The following UBE2E2 variants were observed in gnomAD, a reference collection of about 807,000 sequenced individuals.
The protein encoded by UBE2E2 is ubiquitin conjugating enzyme E2 E2, also known as ubiquitin-conjugating enzyme E2 E2.
A neutral mutation model predicts 24.7 loss-of-function variants in UBE2E2; 6 were observed. The observed-to-expected ratio is 0.24, with a 90% CI of 0.13 to 0.48. The LOEUF (loss-of-function observed/expected upper bound fraction) is 0.48, where lower values mean the gene tolerates loss of function less well. UBE2E2 is among the 20% of genes least tolerant of loss of function. The probability of loss-of-function intolerance (pLI) is 0.99; values close to 1 mark genes in which losing one functional copy is unlikely to be tolerated. For synonymous variants in UBE2E2, 104 were observed against 83.6 expected (o/e 1.24, Z -1.33); for missense variants, 169 against 245.0 (o/e 0.69, Z 2.07).
At chr3:23,571,280 C>CTCTTTTTTTTTT (rs1696217145) in intron 5 of UBE2E2, among the ~76,000 whole-genome samples, 2 of 29,866 alleles carry the variant, frequency 6.7e-5, no homozygotes, top group African/African-American at 2.1e-4. Context: ...GTGCTCCTTT[C>CTCTTTTTTTTTT]TTTTTTTTTT....
intron 5 of UBE2E2, among the ~76,000 whole-genome samples, chr3:23,543,629 A>G (rs911153489): frequency 6.6e-6 from 1 of 152,192 alleles, no homozygotes; most frequent in African/African-American, 2.4e-5. Context: ...ATATTGTGAA[A>G]ATGACCATAC....
Position 23,491,669 on chromosome 3 carries a change from A to G in UBE2E2, c.228-7939A>G, listed in dbSNP as rs144160634. On this transcript the variant is annotated intron_variant, in intron 3 of 5. Coordinates refer to ENST00000396703, the MANE Select transcript of UBE2E2 (RefSeq NM_152653.4). ...GGACCAGAAGTGTAAGCAGGAGCCA[A>G]TTCTTTATGAAAGACTTTGTATGCT... Among the ~76,000 whole-genome samples the G allele has an allele frequency of 1.7e-4, 26 of 152,350 alleles. No individual in the cohort carries two copies. The East Asian group carries it at 1.7e-3, about 10-fold the overall frequency.
At chr3:23,504,047 A>G (rs531569976) in intron 4 of UBE2E2, among the ~76,000 whole-genome samples, 14 of 152,202 alleles carry the variant, frequency 9.2e-5, no homozygotes, top group Non-Finnish European at 2.1e-4. Context: ...CTGATTATTC[A>G]TGCCATTTAG....
At chr3:23,427,247 C>A (rs1299296231) in intron 3 of UBE2E2, among the ~76,000 whole-genome samples, 3 of 148,144 alleles carry the variant, frequency 2.0e-5, no homozygotes, top group African/African-American at 7.5e-5. Flanking sequence ...CATGTTGAAA[C>A]CCCATCTCTA....
At chr3:23,276,359 A>G (rs1238209308) in intron 3 of UBE2E2, among the ~76,000 whole-genome samples, 1 of 152,202 alleles carries the variant, frequency 6.6e-6, no homozygotes, top group African/African-American at 2.4e-5. Flanking sequence ...GAAAACTAAA[A>G]TTGTGCTGCT....
intron 2 of UBE2E2, among the ~76,000 whole-genome samples, chr3:23,210,006 C>T (rs1046908313): frequency 1.3e-5 from 2 of 151,978 alleles, no homozygotes; most frequent in African/African-American, 4.8e-5. Flanking sequence ...TTTGTTTTGC[C>T]ATCACAACAC....
intron 3 of UBE2E2, among the ~76,000 whole-genome samples, chr3:23,379,318 T>A (rs1298541172): frequency 6.6e-6 from 1 of 151,546 alleles, no homozygotes; most frequent in Non-Finnish European, 1.5e-5. Context: ...TATGTATACA[T>A]GTGCCATGCT....
chr3:23,482,061 T>C (rs573061502), intron 3 of UBE2E2, among the ~76,000 whole-genome samples: 16 of 152,334 alleles, frequency 1.1e-4, no homozygotes, highest in African/African-American at 3.8e-4. Context: ...AAATCTCACA[T>C]GAAAGCTAGG....
At chr3:23,360,586 C>G (rs750781064) in intron 3 of UBE2E2, among the ~76,000 whole-genome samples, 1 of 151,974 alleles carries the variant, frequency 6.6e-6, no homozygotes, top group Non-Finnish European at 1.5e-5. Flanking sequence ...TGCGGGGGAC[C>G]TATCAGGACT....
At position 23,332,674 on chromosome 3, in the gene UBE2E2, GGTGTGTGTGTGT is replaced by G. The variant is rs3086989; in HGVS notation, c.227+115396_227+115407del. On this transcript the variant is annotated intron_variant, in intron 3 of 5. Transcript: ENST00000396703. ...CTTTGAGCTTCCTGGCAGCCAGTGG[GGTGTGTGTGTGT>G]GTGTGTGTGTGTGTGTGTGTGTGTG... Among the ~76,000 whole-genome samples the G allele has an allele frequency of 1.1e-3, 123 of 108,128 alleles. 1 individual carries two copies. Among genetic ancestry groups the G allele is most frequent in the African/African-American group, 3.6e-3 (104 of 29,034 alleles). The allele number at this position is 108,128 out of a possible 152,430, so 70.9% of individuals were successfully genotyped here. A position where few individuals can be genotyped will look rare whatever the true frequency, so the allele number is the denominator to read the frequency against.
chr3:23,509,043 A>T (rs1269458977), intron 4 of UBE2E2, among the ~76,000 whole-genome samples: 1 of 152,224 alleles, frequency 6.6e-6, no homozygotes, highest in Non-Finnish European at 1.5e-5. Flanking sequence ...CTCCAGGTAC[A>T]GTCTTCAGTA....
chr3:23,261,529 T>G (rs1217973697), intron 3 of UBE2E2, among the ~76,000 whole-genome samples: 2 of 152,168 alleles, frequency 1.3e-5, no homozygotes, highest in Non-Finnish European at 2.9e-5. Context: ...CAGTATAGTA[T>G]TACTAGCTAT....
chr3:23,268,697 A>C (rs963078471), intron 3 of UBE2E2, among the ~76,000 whole-genome samples: 19 of 149,772 alleles, frequency 1.3e-4, no homozygotes, highest in Admixed American at 7.3e-4. Flanking sequence ...AATTGGAAAA[A>C]ACTACTTTAA....
intron 3 of UBE2E2, among the ~76,000 whole-genome samples, chr3:23,435,980 G>A (rs1023932105): frequency 2.6e-5 from 4 of 152,024 alleles, no homozygotes; most frequent in Non-Finnish European, 4.4e-5. Flanking sequence ...CATAAGGAGC[G>A]CACAGTCTAG....
Position 23,343,235 on chromosome 3 carries a change from G to GA in UBE2E2, c.227+125933dup, listed in dbSNP as rs59043029. 6.5e-4 allele frequency among the ~76,000 whole-genome samples: 96 copies of GA among 147,682 alleles called. 1 individual carries two copies. Among genetic ancestry groups the GA allele is most frequent in the South Asian group, 8.7e-4 (4 of 4,618 alleles). On this transcript the variant is annotated intron_variant, in intron 3 of 5. Coordinates refer to ENST00000396703, the MANE Select transcript of UBE2E2 (RefSeq NM_152653.4). The stretch of plus-strand genomic sequence containing the variant: ...GGTACTTAGGACTTAGTCTAAAATG[G>GA]AAAAAAAAAAGCAAGACGCAAGACT...
intron 3 of UBE2E2, among the ~76,000 whole-genome samples, chr3:23,287,494 A>T (rs922273556): frequency 1.1e-4 from 17 of 152,104 alleles, no homozygotes; most frequent in African/African-American, 3.6e-4. Context: ...TTTGAGTAGG[A>T]TTGATAGTAA....
rs184368228 is a variant in UBE2E2, at chr3:23,270,633, C to T, written c.227+53321C>T. Among the ~76,000 whole-genome samples the T allele has an allele frequency of 2.6e-3, 394 of 152,238 alleles. 3 individuals are homozygous for T. Among genetic ancestry groups the T allele is most frequent in the African/African-American group, 8.9e-3 (371 of 41,542 alleles). The stretch of plus-strand genomic sequence containing the variant: ...TGATACAGGTACCAACTGAGTGTTT[C>T]GGTCTCTGAAGCTTTCAGTCTTTTA... On this transcript the variant is annotated intron_variant, in intron 3 of 5. Coordinates refer to ENST00000396703, the MANE Select transcript of UBE2E2 (RefSeq NM_152653.4).
chr3:23,341,878 A>G (rs973671065), intron 3 of UBE2E2, among the ~76,000 whole-genome samples: 27 of 152,230 alleles, frequency 1.8e-4, no homozygotes, highest in African/African-American at 6.3e-4. Context: ...GAGAAGATGT[A>G]AACAATTATG....
At chr3:23,264,627 T>C (rs981228731) in intron 3 of UBE2E2, among the ~76,000 whole-genome samples, 1 of 152,190 alleles carries the variant, frequency 6.6e-6, no homozygotes, top group African/African-American at 2.4e-5. Context: ...CATGATGATG[T>C]GGCCCAAGTA....
Sources: gnomAD v4.1 joint callset for allele counts (sites outside exome capture counted in the v4.1 genomes callset) on GRCh38, gnomAD v4.1.1 for gene constraint, MANE v1.5 for transcripts, NCBI Gene and HGNC (gene_info 2026-07-23, HGNC 2026-07-21) for gene names.